Variants in THOC2 observed in about 807,000 individuals in gnomAD.
THOC2 encodes the protein THO complex 2.
In THOC2, 10 loss-of-function variants were observed where a neutral mutation model predicts 128.4. The ratio of observed to expected loss-of-function variants is 0.08; its 90% CI spans 0.05 to 0.13. The LOEUF is 0.13. Among genes scored for constraint, THOC2 ranks in the 10% least tolerant of loss-of-function variants. The probability of loss-of-function intolerance (pLI) is 1.00; values close to 1 mark genes in which losing one functional copy is unlikely to be tolerated. For synonymous variants in THOC2, 393 were observed against 396.9 expected, an observed-to-expected ratio of 0.99 and a Z score of 0.12; for missense variants, 535 against 1,155.7, an observed-to-expected ratio of 0.46 and a Z score of 7.79.
Position 123,644,676 on chromosome X carries a change from T to C in THOC2, c.1560A>G (p.Arg520=). 1 of 1,192,841 alleles carries C rather than the reference T, an allele frequency of 8.4e-7. No individual in the cohort carries two copies. Among genetic ancestry groups the C allele is most frequent in the East Asian group, 3.0e-5 (1 of 33,692 alleles). ...GMFKTFPYQH[R]YRLYGQWKNE... ...TCTTCCACTGGCCATACAGACGATA[T>C]CTTAAAAAACGATGAGATGAAGAAT... Residue 520 remains arginine, a splice_region_variant and synonymous_variant, in exon 15 of 39, where the codon AGA becomes AGG. Transcript: ENST00000245838.
At chrX:123,631,653 C>T (rs2047489499) in intron 22 of THOC2, 35 bp downstream of exon 22, 6 of 1,182,381 alleles carry the variant, frequency 5.1e-6, no homozygotes, top group African/African-American at 1.8e-5. Flanking sequence ...TAATTTGGAT[C>T]GTTCTTGAGC....
chrX:123,701,475 T>A (rs1392521980), intron 4 of THOC2, among the ~76,000 whole-genome samples: 1 of 111,256 alleles, frequency 9.0e-6, no homozygotes, highest in African/African-American at 3.3e-5. Context: ...TATTACTAAA[T>A]AACTATGAAG....
intron 22 of THOC2, 118 bp downstream of exon 22, chrX:123,631,570 A>T: frequency 1.3e-6 from 1 of 751,822 alleles, no homozygotes; most frequent in Non-Finnish European, 2.0e-6. Context: ...CAAAGAAGGG[A>T]TCCTAGTTTA....
chrX:123,610,904 G>A lies in THOC2; in HGVS notation c.*18+14C>T, dbSNP rs376093145. 8.4e-7 allele frequency: 1 copy of A among 1,187,340 alleles called. No homozygotes were observed. The highest frequency in any genetic ancestry group is 1.8e-5 in the South Asian group (1 of 55,003). ...TTCTATCATTAAGTGAAAAGGTGGT[G>A]AGAGAACACTCACCTTGATGGAAAG... On this transcript the variant is annotated intron_variant, in intron 38 of 38. Coordinates refer to ENST00000245838, the MANE Select transcript of THOC2 (RefSeq NM_001081550.2).
At chrX:123,716,217 T>C (rs2051408356) in intron 1 of THOC2, among the ~76,000 whole-genome samples, 2 of 112,927 alleles carry the variant, frequency 1.8e-5, no homozygotes, top group Non-Finnish European at 3.7e-5. Flanking sequence ...AAAAATCACT[T>C]GATCATCTCA....
intron 2 of THOC2, among the ~76,000 whole-genome samples, chrX:123,711,132 C>T (rs1380744790): frequency 9.5e-6 from 1 of 104,966 alleles, no homozygotes; most frequent in African/African-American, 3.5e-5. Context: ...GATTCTCGTA[C>T]CTCAGCCTCC....
rs144400305 is a variant in THOC2 at position 123,670,238 on chromosome X, A to G, written c.861+1431T>C. ...TTAACAGTTTAGCTTTCTCTATTCC[A>G]TCCTCATTCCCCCTATATACCACCC... On this transcript the variant is annotated intron_variant, in intron 9 of 38. Coordinates refer to ENST00000245838, the MANE Select transcript of THOC2 (RefSeq NM_001081550.2). Among the ~76,000 whole-genome samples the G allele has an allele frequency of 5.9e-3, 664 of 112,096 alleles. 5 individuals carry two copies. Among genetic ancestry groups the G allele is most frequent in the Middle Eastern group, 0.019 (4 of 216 alleles).
At chrX:123,731,317 G>A (rs1229358289) in intron 1 of THOC2, among the ~76,000 whole-genome samples, 1 of 111,412 alleles carries the variant, frequency 9.0e-6, no homozygotes, top group Admixed American at 9.5e-5. Context: ...GGCTGGGGGG[G>A]CGGGGCATGT....
chrX:123,719,037 G>A (rs781361564), intron 1 of THOC2, among the ~76,000 whole-genome samples: 49 of 109,105 alleles, frequency 4.5e-4, no homozygotes, highest in Middle Eastern at 9.8e-3. Flanking sequence ...AATTAGTCGG[G>A]TGTGGTGGCG....
At chrX:123,663,621 C>CTAT (rs1409183133) in intron 12 of THOC2, among the ~76,000 whole-genome samples, 5 of 105,083 alleles carry the variant, frequency 4.8e-5, no homozygotes, top group African/African-American at 1.4e-4. Context: ...AGGTACTATT[C>CTAT]TGTTTTTTTT....
intron 2 of THOC2, among the ~76,000 whole-genome samples, chrX:123,712,461 C>A (rs1240855047): frequency 1.8e-5 from 2 of 111,968 alleles, no homozygotes; most frequent in Non-Finnish European, 3.8e-5. Context: ...CTAAACATAA[C>A]CAGCTTTAGT....
intron 12 of THOC2, among the ~76,000 whole-genome samples, chrX:123,650,984 C>T (rs1261985474): frequency 8.9e-6 from 1 of 111,794 alleles, no homozygotes; most frequent in Non-Finnish European, 1.9e-5. Context: ...GAACTCTCCA[C>T]CTCAAATCAA....
chrX:123,685,067 C>A (rs1458243799), intron 8 of THOC2, among the ~76,000 whole-genome samples: 3 of 112,098 alleles, frequency 2.7e-5, no homozygotes, highest in African/African-American at 6.5e-5. Context: ...TAAATGGAGG[C>A]CTTATTACAT....
In THOC2 at chrX:123,611,938, T is replaced by C. The variant is rs181228462; in HGVS notation, c.4678-422A>G. On this transcript the variant is annotated intron_variant, in intron 36 of 38. Transcript: ENST00000245838. ...AAAAGATGTTCAGCATCATTAGTTA[T>C]TAAGAAAATGCAAATCAAAACCACA... Among the ~76,000 whole-genome samples the C allele has an allele frequency of 2.7e-5, 3 of 110,252 alleles. No individual in the cohort carries two copies. In the Admixed American group the frequency reaches 2.9e-4, roughly 11 times the overall value.
chrX:123,699,822 A>G (rs995591022), intron 4 of THOC2, among the ~76,000 whole-genome samples: 6 of 112,188 alleles, frequency 5.3e-5, no homozygotes, highest in African/African-American at 1.9e-4. Flanking sequence ...AATTACTTAA[A>G]TGTCTAACCA....
chrX:123,720,378 T>C (rs1174583271), intron 1 of THOC2, among the ~76,000 whole-genome samples: 3 of 109,638 alleles, frequency 2.7e-5, no homozygotes, highest in Non-Finnish European at 1.9e-5. Flanking sequence ...AGCCCAGGAG[T>C]TCAAGGTTAC....
intron 7 of THOC2, among the ~76,000 whole-genome samples, chrX:123,693,813 A>C (rs2050330554): frequency 9.0e-6 from 1 of 111,057 alleles, no homozygotes; most frequent in Admixed American, 9.6e-5. Flanking sequence ...GAGTTTTGAC[A>C]GGGGTGGGCA....
At chrX:123,661,580 T>C (rs954573201) in intron 12 of THOC2, among the ~76,000 whole-genome samples, 5 of 110,764 alleles carry the variant, frequency 4.5e-5, no homozygotes, top group Admixed American at 9.6e-5. Context: ...CAATGTTCAA[T>C]AGCAGAGTAG....
chrX:123,696,003 T>C lies in THOC2; in HGVS notation c.601+18A>G, dbSNP rs1254501864. 9.8e-7 allele frequency: 1 copy of C among 1,019,543 alleles called. No homozygotes were observed. The highest frequency in any genetic ancestry group is 1.9e-5 in the African/African-American group (1 of 53,757). 84.0% of individuals were successfully genotyped at this position (1,019,543 alleles called of 1,213,427 possible). ...CTTGTTATCTTAACAACACATACTA[T>C]ACAGATAAATGTCTTACCTATTAAA... On this transcript the variant is annotated intron_variant, in intron 7 of 38. Coordinates refer to ENST00000245838, the MANE Select transcript of THOC2 (RefSeq NM_001081550.2).
Sources: allele counts gnomAD v4.1 joint callset (sites outside exome capture counted in the v4.1 genomes callset), GRCh38; gene constraint gnomAD v4.1.1; transcripts MANE v1.5; gene names NCBI Gene and HGNC (gene_info 2026-07-23, HGNC 2026-07-21).